Variants in FAM78B observed in about 807,000 individuals in gnomAD.
The protein encoded by FAM78B is family with sequence similarity 78 member B, also known as protein FAM78B.
FAM78B carries 10 observed loss-of-function variants against 20.0 expected under a neutral mutation model. That is an observed-to-expected ratio of 0.50 (90% CI 0.31 to 0.85). The LOEUF (loss-of-function observed/expected upper bound fraction) is 0.85. FAM78B is among the 40% of genes least tolerant of loss of function. The pLI is 0.05. For synonymous variants in FAM78B, 135 were observed against 132.8 expected (o/e 1.02, Z -0.12); for missense variants, 283 against 345.0 (o/e 0.82, Z 1.42).
At chr1:166,155,519 T>C (rs1318200914) in intron 1 of FAM78B, among the ~76,000 whole-genome samples, 2 of 152,138 alleles carry the variant, frequency 1.3e-5, no homozygotes, top group African/African-American at 4.8e-5. Flanking sequence ...GACGAGCACA[T>C]AGCTGCCCAT....
chr1:166,120,902 C>T (rs6684459), intron 1 of FAM78B, among the ~76,000 whole-genome samples: 145,705 of 152,302 alleles, frequency 0.96, 70,043 homozygotes, highest in East Asian at 1. Flanking sequence ...TTCCAACACT[C>T]TCCCCTTCAT....
intron 1 of FAM78B, among the ~76,000 whole-genome samples, chr1:166,157,358 C>T (rs182788739): frequency 2.0e-5 from 3 of 151,406 alleles, no homozygotes; most frequent in Non-Finnish European, 1.5e-5. Context: ...ATGGGGAGAT[C>T]TTATTACTGT....
chr1:166,100,017 C>T (rs1376420957), intron 1 of FAM78B, among the ~76,000 whole-genome samples: 1 of 152,184 alleles, frequency 6.6e-6, no homozygotes, highest in Non-Finnish European at 1.5e-5. Flanking sequence ...GGCCATAAAA[C>T]GAGCCTCAAT....
At chr1:166,123,884 C>T (rs1654548800) in intron 1 of FAM78B, among the ~76,000 whole-genome samples, 1 of 152,206 alleles carries the variant, frequency 6.6e-6, no homozygotes, top group South Asian at 2.1e-4. Flanking sequence ...GCTTGGGTCG[C>T]ATGCCCATCG....
At chr1:166,112,184 G>A (rs1001815016) in intron 1 of FAM78B, among the ~76,000 whole-genome samples, 5 of 152,144 alleles carry the variant, frequency 3.3e-5, no homozygotes, top group African/African-American at 1.2e-4. Context: ...GATTTACCAG[G>A]GATTAGCCTT....
intron 1 of FAM78B, among the ~76,000 whole-genome samples, chr1:166,120,815 T>C (rs1395782733): frequency 1.3e-5 from 2 of 152,202 alleles, no homozygotes; most frequent in Non-Finnish European, 2.9e-5. Flanking sequence ...GGGCAATGGA[T>C]AAATGCGCTA....
chr1:166,126,945 A>G (rs1654666630), intron 1 of FAM78B, among the ~76,000 whole-genome samples: 1 of 152,192 alleles, frequency 6.6e-6, no homozygotes, highest in Admixed American at 6.5e-5. Context: ...CTGTCAACCA[A>G]CTTAGGCACA....
At chr1:166,134,748 A>C (rs1655010594) in intron 1 of FAM78B, among the ~76,000 whole-genome samples, 1 of 152,170 alleles carries the variant, frequency 6.6e-6, no homozygotes, top group South Asian at 2.1e-4. Context: ...CGATAACTTA[A>C]AACGATTAGA....
In FAM78B at chr1:166,166,410, C is replaced by A; in HGVS notation, c.-162G>T. 3.8e-6 allele frequency: 2 copies of A among 528,462 alleles called. No homozygotes were observed. Among genetic ancestry groups the A allele is most frequent in the Non-Finnish European group, 4.9e-6 (2 of 406,294 alleles). 32.7% of individuals were successfully genotyped at this position (528,462 alleles called of 1,614,324 possible). A position where few individuals can be genotyped will look rare whatever the true frequency, so the allele number is the denominator to read the frequency against. Reference sequence around the variant, plus strand: ...AGCCGCCGGGCATCCTTGGGGAAGCCCCCTCCTCTTGCAGCCGCGCGGGGT... The same window carrying A: ...AGCCGCCGGGCATCCTTGGGGAAGCACCCTCCTCTTGCAGCCGCGCGGGGT... On this transcript the variant is annotated 5_prime_UTR_variant, in exon 1 of 2. Transcript: ENST00000354422.
At chr1:166,106,729 G>C (rs572804060) in intron 1 of FAM78B, among the ~76,000 whole-genome samples, 1 of 152,122 alleles carries the variant, frequency 6.6e-6, no homozygotes, top group Non-Finnish European at 1.5e-5. Flanking sequence ...GAGGGGGAGA[G>C]AGGGAGGGAA....
intron 1 of FAM78B, among the ~76,000 whole-genome samples, chr1:166,118,597 T>C (rs1030754921): frequency 4.6e-5 from 7 of 152,176 alleles, no homozygotes; most frequent in Non-Finnish European, 1.0e-4. Context: ...TTCATTTATA[T>C]ATTCTCTTTG....
At chr1:166,155,550 C>T (rs1655860995) in intron 1 of FAM78B, among the ~76,000 whole-genome samples, 1 of 152,144 alleles carries the variant, frequency 6.6e-6, no homozygotes, top group Admixed American at 6.5e-5. Context: ...GTGCAGGTTT[C>T]TTAGCAAAAG....
At chr1:166,164,231 C>A (rs1183341428) in intron 1 of FAM78B, among the ~76,000 whole-genome samples, 4 of 152,260 alleles carry the variant, frequency 2.6e-5, no homozygotes. Flanking sequence ...CTTCCTCTAC[C>A]AGGGGCCCCA....
chr1:166,138,134 A>G (rs1193311672), intron 1 of FAM78B, among the ~76,000 whole-genome samples: 1 of 152,180 alleles, frequency 6.6e-6, no homozygotes, highest in Non-Finnish European at 1.5e-5. Context: ...CAGAAAGAGG[A>G]TGACGGCAGT....
intron 1 of FAM78B, among the ~76,000 whole-genome samples, chr1:166,149,316 T>C (rs4657526): frequency 0.99 from 150,952 of 152,344 alleles, 74,798 homozygotes; most frequent in Middle Eastern, 1. Flanking sequence ...AGAAAACAGA[T>C]ATCTTAAACT....
chr1:166,132,429 A>G (rs1433083210), intron 1 of FAM78B, among the ~76,000 whole-genome samples: 1 of 152,172 alleles, frequency 6.6e-6, no homozygotes, highest in African/African-American at 2.4e-5. Flanking sequence ...AAATGGGGAT[A>G]ATATTACTGC....
intron 1 of FAM78B, among the ~76,000 whole-genome samples, chr1:166,157,713 A>G (rs549131227): frequency 9.9e-5 from 15 of 152,174 alleles, no homozygotes; most frequent in East Asian, 1.9e-4. Context: ...AACTGCCCGG[A>G]GAGTTTGAGG....
At chr1:166,147,289 G>A (rs984628894) in intron 1 of FAM78B, among the ~76,000 whole-genome samples, 3 of 152,180 alleles carry the variant, frequency 2.0e-5, no homozygotes, top group South Asian at 2.1e-4. Context: ...GCCTGCTGTG[G>A]TTTCAGAGAC....
At chr1:166,072,827 G>A (rs189391268) in intron 1 of FAM78B, among the ~76,000 whole-genome samples, 19 of 152,326 alleles carry the variant, frequency 1.2e-4, no homozygotes, top group Admixed American at 4.6e-4. Context: ...ATTGCCTGGG[G>A]AATTTGGTTT....
Sources: gnomAD v4.1 joint callset for allele counts (sites outside exome capture counted in the v4.1 genomes callset) on GRCh38, gnomAD v4.1.1 for gene constraint, MANE v1.5 for transcripts, NCBI Gene and HGNC (gene_info 2026-07-23, HGNC 2026-07-21) for gene names.